RIT2: variants seen among roughly 807,000 people sequenced by gnomAD.
The protein encoded by RIT2 is GTP-binding protein Rit2.
Under a neutral mutation model 23.7 loss-of-function variants are expected in RIT2, and 24 were observed. The ratio of observed to expected loss-of-function variants is 1.01; its 90% CI spans 0.73 to 1.43. The LOEUF is 1.43. RIT2 is among the 40% of genes most tolerant of loss of function. The pLI, the probability that RIT2 is intolerant of heterozygous loss-of-function variation, is 0.00. For missense variants in RIT2, 236 were observed against 266.9 expected, an observed-to-expected ratio of 0.88 and a Z score of 0.81; for synonymous variants, 107 against 91.1, an observed-to-expected ratio of 1.17 and a Z score of -0.99.
At chr18:42,912,365 A>G (rs892377349) in intron 4 of RIT2, among the ~76,000 whole-genome samples, 1 of 151,928 alleles carries the variant, frequency 6.6e-6, no homozygotes, top group Non-Finnish European at 1.5e-5. Context: ...AAGATTGGGC[A>G]CAAGGCAAAG....
At chr18:43,067,955 ATAAT>A (rs1301190648) in intron 1 of RIT2, among the ~76,000 whole-genome samples, 3 of 152,138 alleles carry the variant, frequency 2.0e-5, no homozygotes, top group Non-Finnish European at 2.9e-5. Flanking sequence ...GAGAGAGAAA[ATAAT>A]TAAGAAAATA....
chr18:43,038,438 AATT>A (rs112429664), intron 1 of RIT2, among the ~76,000 whole-genome samples: 2,406 of 151,792 alleles, frequency 0.016, 69 homozygotes, highest in African/African-American at 0.054. Context: ...ACCTTGTAAA[AATT>A]ATTATTAATC....
At chr18:43,104,153 A>T (rs977515398) in intron 1 of RIT2, among the ~76,000 whole-genome samples, 1 of 152,228 alleles carries the variant, frequency 6.6e-6, no homozygotes, top group East Asian at 1.9e-4. Context: ...ATGAACCTGG[A>T]GGACATAACG....
chr18:42,781,046 T>C lies in RIT2; in HGVS notation c.427-37326A>G, dbSNP rs537025907. Among the ~76,000 whole-genome samples the C allele has an allele frequency of 7.9e-5, 12 of 152,250 alleles. No homozygotes were observed. The South Asian group carries it at 2.3e-3, about 29-fold the overall frequency. ...ACCTGCAGTGAAACTTTAAGCACTA[T>C]ACTTTACTGCTTACTTGACTCAAAT... On this transcript the variant is annotated intron_variant, in intron 4 of 4. Coordinates refer to ENST00000326695, the MANE Select transcript of RIT2 (RefSeq NM_002930.4).
chr18:42,911,959 C>G (rs1014116558), intron 4 of RIT2, among the ~76,000 whole-genome samples: 39 of 151,708 alleles, frequency 2.6e-4, no homozygotes, highest in African/African-American at 9.4e-4. Context: ...CACTGATACC[C>G]AAACCCAACA....
At chr18:42,791,497 G>A (rs1914042864) in intron 4 of RIT2, among the ~76,000 whole-genome samples, 1 of 152,150 alleles carries the variant, frequency 6.6e-6, no homozygotes, top group Non-Finnish European at 1.5e-5. Context: ...CTTCATTGCA[G>A]TAGCTTGTTG....
At chr18:42,893,614 T>C (rs1006611052) in intron 4 of RIT2, among the ~76,000 whole-genome samples, 1 of 152,214 alleles carries the variant, frequency 6.6e-6, no homozygotes, top group African/African-American at 2.4e-5. Context: ...CATAGCACTT[T>C]CTAATTTTAG....
chr18:43,074,977 T>C (rs1367878208), intron 1 of RIT2, among the ~76,000 whole-genome samples: 1 of 152,094 alleles, frequency 6.6e-6, no homozygotes, highest in Non-Finnish European at 1.5e-5. Context: ...GGTTGATAGA[T>C]GCAGCAAACC....
chr18:42,770,713 C>T lies in RIT2; in HGVS notation c.427-26993G>A, dbSNP rs569312753. ...CATGCCAATTCACAATGGGTTGGAA[C>T]TTAAAATAGCAAAATATATTTCAGT... On this transcript the variant is annotated intron_variant, in intron 4 of 4. Coordinates refer to ENST00000326695, the MANE Select transcript of RIT2 (RefSeq NM_002930.4). 4.6e-5 allele frequency among the ~76,000 whole-genome samples: 7 copies of T among 151,134 alleles called. 1 individual carries two copies. Among genetic ancestry groups the T allele is most frequent in the African/African-American group, 1.7e-4 (7 of 41,120 alleles).
At chr18:42,973,373 T>C (rs913211486) in intron 3 of RIT2, among the ~76,000 whole-genome samples, 1 of 151,842 alleles carries the variant, frequency 6.6e-6, no homozygotes, top group African/African-American at 2.4e-5. Flanking sequence ...TGTATCAAAT[T>C]ATATGGTTTA....
intron 4 of RIT2, among the ~76,000 whole-genome samples, chr18:42,865,393 T>G (rs1229785166): frequency 6.6e-6 from 1 of 152,184 alleles, no homozygotes; most frequent in East Asian, 1.9e-4. Context: ...TTGACCAAAT[T>G]TCTCCTGTGG....
chr18:42,920,179 T>C (rs1909018946), intron 4 of RIT2, among the ~76,000 whole-genome samples: 1 of 152,302 alleles, frequency 6.6e-6, no homozygotes, highest in African/African-American at 2.4e-5. Context: ...GTCCATAAGA[T>C]GCTACTGCTC....
At chr18:42,951,675 T>A (rs1401982502) in intron 3 of RIT2, among the ~76,000 whole-genome samples, 1 of 152,092 alleles carries the variant, frequency 6.6e-6, no homozygotes, top group Non-Finnish European at 1.5e-5. Flanking sequence ...GAAATCAGTA[T>A]CTCAAAGAGA....
intron 1 of RIT2, among the ~76,000 whole-genome samples, chr18:43,113,154 A>G (rs4476257): frequency 0.44 from 66,140 of 152,002 alleles, 14,628 homozygotes; most frequent in East Asian, 0.56. Flanking sequence ...GGTTAATATT[A>G]AGAATCAGTG....
chr18:43,071,881 C>CA (rs999905205), intron 1 of RIT2, among the ~76,000 whole-genome samples: 23 of 152,004 alleles, frequency 1.5e-4, no homozygotes, highest in African/African-American at 4.1e-4. Context: ...CATACTATAC[C>CA]TTTTTTTGTT....
intron 1 of RIT2, among the ~76,000 whole-genome samples, chr18:43,039,790 T>C (rs745530238): frequency 9.9e-5 from 15 of 152,220 alleles, no homozygotes; most frequent in Non-Finnish European, 1.9e-4. Context: ...TATATTCTCC[T>C]ATTCATTTCT....
intron 4 of RIT2, among the ~76,000 whole-genome samples, chr18:42,857,381 C>T (rs1465714141): frequency 6.6e-6 from 1 of 152,116 alleles, no homozygotes; most frequent in Non-Finnish European, 1.5e-5. Context: ...TATCAAATCA[C>T]ACATTTATGG....
chr18:42,945,878 G>A (rs1037440087), intron 3 of RIT2, among the ~76,000 whole-genome samples: 4 of 152,086 alleles, frequency 2.6e-5, no homozygotes, highest in African/African-American at 9.7e-5. Context: ...TTTTAAGCTA[G>A]TTTTATCATT....
At chr18:42,773,528 C>T (rs1913599399) in intron 4 of RIT2, among the ~76,000 whole-genome samples, 1 of 152,108 alleles carries the variant, frequency 6.6e-6, no homozygotes, top group South Asian at 2.1e-4. Flanking sequence ...GAAATATGCC[C>T]TCCTTTAAGC....
Sources: allele counts gnomAD v4.1 joint callset (sites outside exome capture counted in the v4.1 genomes callset), GRCh38; gene constraint gnomAD v4.1.1; transcripts MANE v1.5; gene names NCBI Gene and HGNC (gene_info 2026-07-23, HGNC 2026-07-21).